Variants in TMEM255B observed in about 807,000 individuals in gnomAD.
TMEM255B encodes family with sequence similarity 70, member B.
Under a neutral mutation model 34.5 loss-of-function variants are expected in TMEM255B, and 35 were observed. The ratio of observed to expected loss-of-function variants is 1.01; its 90% CI spans 0.77 to 1.34. The LOEUF is 1.34. Ranked by LOEUF, TMEM255B falls within the 40% of genes most tolerant of loss-of-function variation. The probability of loss-of-function intolerance (pLI) is 0.00; values close to 1 mark genes in which losing one functional copy is unlikely to be tolerated. For missense variants in TMEM255B, 432 were observed against 433.2 expected, an observed-to-expected ratio of 1.00 and a Z score of 0.02; for synonymous variants, 206 against 201.2, an observed-to-expected ratio of 1.02 and a Z score of -0.20.
rs150323609 is a variant in TMEM255B, at chr13:113,795,181, G to C, written c.286G>C (p.Val96Leu). 9,743 of 1,613,988 alleles carry C rather than the reference G, an allele frequency of 6.0e-3. 116 individuals carry two copies. The highest frequency in any genetic ancestry group is 0.036 in the South Asian group (3,299 of 91,070). Residue 96 changes from valine (V) to leucine (L), a missense_variant, in exon 4 of 9, where the codon GTG becomes CTG. Coordinates refer to ENST00000375353, the MANE Select transcript of TMEM255B (RefSeq NM_182614.4). Reference sequence around the variant, plus strand: ...AGCGATCGTGTTTATCAGTTTTGGCGTGGTGGCCGCCTTCTGCTGCGCCAT... The same window carrying C: ...AGCGATCGTGTTTATCAGTTTTGGCCTGGTGGCCGCCTTCTGCTGCGCCAT... ...VAAIVFISFG[V>L]VAAFCCAIVD...
intron 3 of TMEM255B, among the ~76,000 whole-genome samples, chr13:113,777,798 C>T (rs905255902): frequency 3.3e-5 from 5 of 152,230 alleles, no homozygotes; most frequent in East Asian, 1.9e-4. Flanking sequence ...GCAGCCTGGG[C>T]GGCCTCAGAC....
intron 3 of TMEM255B, among the ~76,000 whole-genome samples, chr13:113,785,995 C>G (rs2050734520): frequency 3.9e-5 from 6 of 152,198 alleles, no homozygotes; most frequent in Admixed American, 3.9e-4. Context: ...GTTTCCAAAG[C>G]AAAGCACACG....
At chr13:113,787,932 G>A (rs1228639279) in intron 3 of TMEM255B, among the ~76,000 whole-genome samples, 6 of 148,424 alleles carry the variant, frequency 4.0e-5, no homozygotes, top group Non-Finnish European at 8.9e-5. Context: ...GAAGCGAGGC[G>A]GAGGAGAGGG....
At chr13:113,774,984 C>T (rs978813539) in intron 3 of TMEM255B, among the ~76,000 whole-genome samples, 1 of 148,920 alleles carries the variant, frequency 6.7e-6, no homozygotes. Flanking sequence ...GCACATCACA[C>T]ACACCACACA....
At chr13:113,766,958 A>G (rs890666340) in intron 2 of TMEM255B, among the ~76,000 whole-genome samples, 4 of 152,218 alleles carry the variant, frequency 2.6e-5, no homozygotes, top group African/African-American at 9.6e-5. Flanking sequence ...TAGTAAAAGA[A>G]TTCTCCTAAG....
intron 3 of TMEM255B, among the ~76,000 whole-genome samples, chr13:113,787,042 C>T (rs1296713559): frequency 6.6e-6 from 1 of 152,128 alleles, no homozygotes; most frequent in Non-Finnish European, 1.5e-5. Flanking sequence ...TCTAGTTGTT[C>T]GTTGTTTCAT....
intron 3 of TMEM255B, among the ~76,000 whole-genome samples, chr13:113,792,781 G>T (rs1314122315): frequency 6.6e-6 from 1 of 152,238 alleles, no homozygotes. Context: ...TAAGCTTTTG[G>T]TTCAGACCCA....
At chr13:113,797,412 C>T (rs1440721574) in intron 4 of TMEM255B, among the ~76,000 whole-genome samples, 1 of 152,180 alleles carries the variant, frequency 6.6e-6, no homozygotes, top group Non-Finnish European at 1.5e-5. Flanking sequence ...TGAGAGAGGC[C>T]GAGGACACCG....
rs1418625329 is a variant in TMEM255B, at chr13:113,806,817, G to A, written c.813+1789G>A. Among the ~76,000 whole-genome samples the A allele has an allele frequency of 2.8e-5, 3 of 105,696 alleles. No individual in the cohort carries two copies. The highest frequency in any genetic ancestry group is 1.3e-4 in the African/African-American group (3 of 23,624). 69.3% of individuals were successfully genotyped at this position (105,696 alleles called of 152,430 possible). The stretch of plus-strand genomic sequence containing the variant: ...TTGCCAAGCCCAGAACTGGAGGCCC[G>A]CAGGGGTAGAAGGAGGAGGCCCGCA... On this transcript the variant is annotated intron_variant, in intron 8 of 8. Coordinates refer to ENST00000375353, the MANE Select transcript of TMEM255B (RefSeq NM_182614.4). The surrounding 1 kb of genome is among the most constrained non-coding windows in gnomAD (Gnocchi z 4.2).
Position 113,787,432 on chromosome 13 carries a change from C to T in TMEM255B, c.253-7716C>T, listed in dbSNP as rs370596003. ...CTGCCTGTTGCTGACCTGAGTGGTG[C>T]GGCTTCTCTTCTCCGTTTGCTCACA... is the stretch of plus-strand genomic sequence containing the variant. On this transcript the variant is annotated intron_variant, in intron 3 of 8. Coordinates refer to ENST00000375353, the MANE Select transcript of TMEM255B (RefSeq NM_182614.4). Among the ~76,000 whole-genome samples, 75 of 152,250 alleles carry T rather than the reference C, an allele frequency of 4.9e-4. No individual in the cohort carries two copies. In the East Asian group the frequency reaches 0.01, roughly 21 times the overall value.
At chr13:113,774,647 C>CA (rs1330394894) in intron 3 of TMEM255B, among the ~76,000 whole-genome samples, 26 of 93,350 alleles carry the variant, frequency 2.8e-4, no homozygotes, top group African/African-American at 1.4e-3. Flanking sequence ...ACCACACACA[C>CA]TATACACAAC....
Position 113,806,208 on chromosome 13 carries a change from C to T in TMEM255B, c.813+1180C>T, listed in dbSNP as rs1180580374. On this transcript the variant is annotated intron_variant, in intron 8 of 8. Transcript: ENST00000375353. This position sits in a 1 kb window ranked among gnomAD's most constrained non-coding sequence, Gnocchi z 4.2. ...AGCGGGGCCCGAGAGCCACGACCTT[C>T]TCAGCTCACCTGGGGACCTGCACCA... 6.6e-6 allele frequency among the ~76,000 whole-genome samples: 1 copy of T among 152,172 alleles called. No individual in the cohort carries two copies. Among genetic ancestry groups the T allele is most frequent in the Non-Finnish European group, 1.5e-5 (1 of 68,026 alleles).
At position 113,772,293 on chromosome 13, in the gene TMEM255B, G is replaced by T. The variant is rs139879168; in HGVS notation, c.252+3133G>T. Among the ~76,000 whole-genome samples, 140 of 152,196 alleles carry T rather than the reference G, an allele frequency of 9.2e-4. 1 individual carries two copies. In the East Asian group the frequency reaches 0.017, roughly 19 times the overall value. Reference sequence around the variant, plus strand: ...ATTTCCTCACATTCTGTACATTGCCGTTTCACTTTCTTAATGGTGTCCTTT... The same window carrying T: ...ATTTCCTCACATTCTGTACATTGCCTTTTCACTTTCTTAATGGTGTCCTTT... On this transcript the variant is annotated intron_variant, in intron 3 of 8. Coordinates refer to ENST00000375353, the MANE Select transcript of TMEM255B (RefSeq NM_182614.4).
chr13:113,791,878 A>G (rs1240113689), intron 3 of TMEM255B, among the ~76,000 whole-genome samples: 1 of 152,182 alleles, frequency 6.6e-6, no homozygotes, highest in Non-Finnish European at 1.5e-5. Flanking sequence ...CTAATGCTGG[A>G]AGCATGTCTG....
intron 1 of TMEM255B, among the ~76,000 whole-genome samples, chr13:113,764,193 C>T (rs2050352363): frequency 6.6e-6 from 1 of 152,200 alleles, no homozygotes; most frequent in African/African-American, 2.4e-5. Context: ...TTAACAGACA[C>T]TGGGTGATGG....
In TMEM255B at chr13:113,815,541, T is replaced by G. The variant is rs533470007; in HGVS notation, c.*3638T>G. 6.6e-6 allele frequency: 1 copy of G among 152,554 alleles called. No homozygotes were observed. The highest frequency in any genetic ancestry group is 2.4e-5 in the African/African-American group (1 of 41,578). The allele number at this position is 152,554 out of a possible 1,614,324, so 9.5% of individuals were successfully genotyped here. A position where few individuals can be genotyped will look rare whatever the true frequency, so the allele number is the denominator to read the frequency against. On this transcript the variant is annotated 3_prime_UTR_variant, in exon 9 of 9. Transcript: ENST00000375353. Reference sequence around the variant, plus strand: ...ATGGTGGCTGGTCTTTCCCGTGCTATTCTCGTGATAGTGAGTAAGTCTCAC... The same window carrying G: ...ATGGTGGCTGGTCTTTCCCGTGCTAGTCTCGTGATAGTGAGTAAGTCTCAC...
intron 8 of TMEM255B, among the ~76,000 whole-genome samples, chr13:113,808,797 G>A (rs1293772007): frequency 8.7e-6 from 1 of 115,546 alleles, no homozygotes; most frequent in Admixed American, 9.6e-5. Context: ...GTTCCTGGGG[G>A]GGGGGTTACT....
intron 3 of TMEM255B, among the ~76,000 whole-genome samples, chr13:113,774,713 C>CA (rs1468598111): frequency 7.1e-5 from 10 of 141,254 alleles, no homozygotes; most frequent in African/African-American, 2.7e-4. Context: ...ACACAATACA[C>CA]ACCACATACA....
rs1413630426 is a variant in TMEM255B at position 113,807,564 on chromosome 13, C to T, written c.813+2536C>T. 1.5e-4 allele frequency among the ~76,000 whole-genome samples: 17 copies of T among 116,160 alleles called. 1 individual carries two copies. The allele number at this position is 116,160 out of a possible 152,430, so 76.2% of individuals were successfully genotyped here. A position where few individuals can be genotyped will look rare whatever the true frequency, so the allele number is the denominator to read the frequency against. ...GTGGGGGGTAGTCCTCCCCGTCACA[C>T]GCAGGCTTACGGGATGTGGGGGTGG... On this transcript the variant is annotated intron_variant, in intron 8 of 8. Coordinates refer to ENST00000375353, the MANE Select transcript of TMEM255B (RefSeq NM_182614.4).
Sources: gnomAD v4.1 joint callset for allele counts (sites outside exome capture counted in the v4.1 genomes callset) on GRCh38, gnomAD v4.1.1 for gene constraint, Gnocchi (gnomAD v3.1) non-coding constraint, MANE v1.5 for transcripts, NCBI Gene and HGNC (gene_info 2026-07-23, HGNC 2026-07-21) for gene names.